S100A10: variants seen among roughly 807,000 people sequenced by gnomAD.
The protein encoded by S100A10 is protein S100-A10.
Under a neutral mutation model 7.1 loss-of-function variants are expected in S100A10, and 3 were observed. The ratio of observed to expected loss-of-function variants is 0.42; its 90% CI spans 0.19 to 1.10. The LOEUF is 1.10. Among genes scored for constraint, S100A10 ranks in the 50% least tolerant of loss-of-function variants. The probability of loss-of-function intolerance (pLI) is 0.29; values close to 1 mark genes in which losing one functional copy is unlikely to be tolerated. For synonymous variants in S100A10, 41 were observed against 39.3 expected (o/e 1.04, Z -0.16); for missense variants, 101 against 118.1 (o/e 0.86, Z 0.67).
intron 1 of S100A10, among the ~76,000 whole-genome samples, chr1:151,991,640 T>C (rs1202065796): frequency 6.6e-6 from 1 of 152,252 alleles, no homozygotes; most frequent in Non-Finnish European, 1.5e-5. Context: ...ACTTAAGATG[T>C]TAAAATTTTA....
At chr1:151,986,985 G>A (rs952877636) in intron 1 of S100A10, among the ~76,000 whole-genome samples, 28 of 141,712 alleles carry the variant, frequency 2.0e-4, no homozygotes, top group African/African-American at 6.9e-4. Context: ...ATCTAATGAA[G>A]AATAGAAACT....
chr1:151,985,793 A>C (rs964541066), intron 2 of S100A10, among the ~76,000 whole-genome samples: 3 of 152,242 alleles, frequency 2.0e-5, no homozygotes, highest in African/African-American at 7.2e-5. Context: ...ATTTTCCAAC[A>C]AACAGCTCAT....
At chr1:151,989,966 G>A (rs1655871944) in intron 1 of S100A10, among the ~76,000 whole-genome samples, 3 of 152,194 alleles carry the variant, frequency 2.0e-5, no homozygotes, top group Admixed American at 2.0e-4. Flanking sequence ...TCATTTAATT[G>A]TTTACTTGTC....
intron 2 of S100A10, 81 bp downstream of exon 2, chr1:151,986,018 T>C (rs1655781034): frequency 6.2e-6 from 8 of 1,289,618 alleles, no homozygotes; most frequent in Non-Finnish European, 7.3e-6. Flanking sequence ...AGGGAAGGGA[T>C]GGAAACAAGA....
intron 1 of S100A10, among the ~76,000 whole-genome samples, chr1:151,990,646 C>A (rs1011516290): frequency 6.6e-6 from 1 of 152,162 alleles, no homozygotes; most frequent in Non-Finnish European, 1.5e-5. Flanking sequence ...CTTTGAATGT[C>A]CCAGACATGG....
chr1:151,986,249 A>G lies in S100A10; in HGVS notation c.-19T>C. 1.3e-6 allele frequency: 2 copies of G among 1,586,878 alleles called. No individual in the cohort carries two copies. The highest frequency in any genetic ancestry group is 2.3e-5 in the South Asian group (2 of 85,900). ...ATGGCATTTTGGTGTGGTCCGTTGA[A>G]GCCTATTAAAGGATGTAAAGTAACA... On this transcript the variant is annotated splice_region_variant and 5_prime_UTR_variant, in exon 2 of 3. Transcript: ENST00000368811.
chr1:151,985,171 C>T (rs1221080267), intron 2 of S100A10: 1 of 152,670 alleles, frequency 6.6e-6, no homozygotes, highest in African/African-American at 2.4e-5. Flanking sequence ...TACCGTATCT[C>T]CTCTCACCCT....
intron 1 of S100A10, among the ~76,000 whole-genome samples, chr1:151,987,586 C>T (rs1046378810): frequency 4.4e-5 from 6 of 137,258 alleles, no homozygotes; most frequent in African/African-American, 1.6e-4. Context: ...GTTGCCCAGG[C>T]TGGAGTGCAG....
intron 1 of S100A10, among the ~76,000 whole-genome samples, chr1:151,988,183 G>GT (rs1445144033): frequency 6.6e-6 from 1 of 152,218 alleles, no homozygotes; most frequent in Non-Finnish European, 1.5e-5. Context: ...GTACTTAATA[G>GT]AACCTCAGTG....
intron 1 of S100A10, among the ~76,000 whole-genome samples, chr1:151,989,953 A>T (rs1292118146): frequency 6.6e-6 from 1 of 152,188 alleles, no homozygotes; most frequent in East Asian, 1.9e-4. Context: ...GAAACATTCA[A>T]TTTCATTTAA....
intron 2 of S100A10, among the ~76,000 whole-genome samples, chr1:151,984,431 C>G (rs535113922): frequency 2.6e-5 from 4 of 152,228 alleles, no homozygotes; most frequent in African/African-American, 7.2e-5. Flanking sequence ...AGCTTCCTGG[C>G]TGTGGTCAGA....
intron 1 of S100A10, among the ~76,000 whole-genome samples, chr1:151,986,747 G>A (rs1050253113): frequency 6.6e-6 from 1 of 152,176 alleles, no homozygotes; most frequent in Non-Finnish European, 1.5e-5. Context: ...GTTCATCTTT[G>A]TAGATTTACA....
At chr1:151,986,541 C>A (rs1469913673) in intron 1 of S100A10, among the ~76,000 whole-genome samples, 1 of 152,196 alleles carries the variant, frequency 6.6e-6, no homozygotes, top group Admixed American at 6.5e-5. Context: ...CAGTAGATCT[C>A]TTAAACTTAT....
intron 1 of S100A10, among the ~76,000 whole-genome samples, chr1:151,986,486 T>A (rs1655794205): frequency 1.3e-5 from 2 of 152,234 alleles, no homozygotes; most frequent in African/African-American, 4.8e-5. Flanking sequence ...TAACTATTTG[T>A]CAAGAATACA....
At chr1:151,990,341 G>A (rs943879900) in intron 1 of S100A10, among the ~76,000 whole-genome samples, 1 of 152,212 alleles carries the variant, frequency 6.6e-6, no homozygotes, top group Non-Finnish European at 1.5e-5. Context: ...CTATTTTCTC[G>A]TGTTTCATTC....
intron 2 of S100A10, among the ~76,000 whole-genome samples, chr1:151,984,815 C>T (rs1355835249): frequency 2.6e-5 from 4 of 152,180 alleles, no homozygotes; most frequent in African/African-American, 9.7e-5. Flanking sequence ...ATGTCCAGCC[C>T]TCTCTAATTT....
chr1:151,989,243 G>A (rs942453103), intron 1 of S100A10, among the ~76,000 whole-genome samples: 3 of 152,100 alleles, frequency 2.0e-5, no homozygotes, highest in African/African-American at 4.8e-5. Flanking sequence ...TCACTCAGTC[G>A]CATGCCTCTC....
chr1:151,983,185 ATG>A lies in S100A10; in HGVS notation c.270_271del (p.Met91GlufsTer17), dbSNP rs775340337. Reference sequence around the variant, plus strand: ...TGCCTACTTCTTTCCCTTCTGCTTCATGTGTACTACAAAATAGTCATTGCATG... The same window carrying A: ...TGCCTACTTCTTTCCCTTCTGCTTCATGTACTACAAAATAGTCATTGCATG... On this transcript the variant is annotated frameshift_variant, in exon 3 of 3. Coordinates refer to ENST00000368811, the MANE Select transcript of S100A10 (RefSeq NM_002966.3). LOFTEE classifies it high-confidence loss of function. 1.3e-6 allele frequency: 2 copies of A among 1,586,920 alleles called. No individual in the cohort carries two copies. Among genetic ancestry groups the A allele is most frequent in the South Asian group, 2.3e-5 (2 of 85,820 alleles).
chr1:151,989,351 T>A (rs1655858717), intron 1 of S100A10, among the ~76,000 whole-genome samples: 2 of 152,144 alleles, frequency 1.3e-5, no homozygotes, highest in African/African-American at 4.8e-5. Context: ...AGCGGTTTTA[T>A]TCAGTGGATG....
Sources: gnomAD v4.1 joint callset for allele counts (sites outside exome capture counted in the v4.1 genomes callset) on GRCh38, gnomAD v4.1.1 for gene constraint, MANE v1.5 for transcripts, NCBI Gene and HGNC (gene_info 2026-07-23, HGNC 2026-07-21) for gene names.